Variants in NPIPA1 observed in about 807,000 individuals in gnomAD.
NPIPA1 encodes nuclear pore complex-interacting protein family member A1.
For missense variants in NPIPA1, 22 were observed against 232.2 expected, an observed-to-expected ratio of 0.09 and a Z score of 5.88; for synonymous variants, 7 against 88.0, an observed-to-expected ratio of 0.08 and a Z score of 5.15.
rs1363191827 is a variant in NPIPA1, at chr16:14,944,913, T to A, written c.193-661T>A. ...GCTACCGCACCTGGCCTATATTTTT[T>A]TTTTTTTTTTTTTTTGAGACAGAGT... On this transcript the variant is annotated intron_variant, in intron 2 of 7. Transcript: ENST00000328085. Among the ~76,000 whole-genome samples, 13 of 151,054 alleles carry A rather than the reference T, an allele frequency of 8.6e-5. No homozygotes were observed. The Admixed American group carries it at 8.6e-4, about 10-fold the overall frequency.
chr16:14,941,064 G>A (rs1965739237), intron 1 of NPIPA1, among the ~76,000 whole-genome samples: 1 of 149,754 alleles, frequency 6.7e-6, no homozygotes, highest in Admixed American at 6.8e-5. Context: ...AGAGGCAGAG[G>A]TTGCAGTGAG....
intron 2 of NPIPA1, among the ~76,000 whole-genome samples, chr16:14,944,318 G>A (rs1965825886): frequency 6.6e-6 from 1 of 152,250 alleles, no homozygotes; most frequent in African/African-American, 2.4e-5. Flanking sequence ...AGTCATTAGT[G>A]AGAATGTTTT....
At chr16:14,940,224 G>A (rs1597170662) in intron 1 of NPIPA1, among the ~76,000 whole-genome samples, 1 of 99,548 alleles carries the variant, frequency 1.0e-5, no homozygotes, top group Admixed American at 1.2e-4. Flanking sequence ...ACTAAAATTC[G>A]ATACTTATTT....
chr16:14,943,872 G>T (rs1332366528), intron 2 of NPIPA1, among the ~76,000 whole-genome samples: 630 of 151,438 alleles, frequency 4.2e-3, no homozygotes, highest in African/African-American at 0.014. Flanking sequence ...TTTCAGGCCA[G>T]GTGTGGTGGC....
intron 5 of NPIPA1, chr16:14,949,711 C>CCT (rs1965969915): frequency 1.6e-6 from 1 of 640,502 alleles, no homozygotes; most frequent in African/African-American, 1.9e-5. Flanking sequence ...GATTCCCCTG[C>CCT]CTCAGCCTCC....
chr16:14,939,025 A>C (rs2151074181), intron 1 of NPIPA1, among the ~76,000 whole-genome samples: 1 of 140,422 alleles, frequency 7.1e-6, no homozygotes, highest in Admixed American at 7.3e-5. Context: ...CCTGGCCAAA[A>C]TATATAACCT....
chr16:14,947,354 C>T (rs1411466136), intron 4 of NPIPA1, among the ~76,000 whole-genome samples: 3 of 151,938 alleles, frequency 2.0e-5, no homozygotes, highest in South Asian at 2.1e-4. Flanking sequence ...CAATTGAGGT[C>T]GTCTCTGCAG....
chr16:14,947,617 G>A (rs1212410962), intron 4 of NPIPA1, among the ~76,000 whole-genome samples: 5 of 149,256 alleles, frequency 3.3e-5, no homozygotes, highest in African/African-American at 7.3e-5. Flanking sequence ...GCTGACTTTC[G>A]TCCTGGGTTT....
intron 1 of NPIPA1, among the ~76,000 whole-genome samples, chr16:14,938,802 G>C (rs1261910205): frequency 2.6e-5 from 4 of 151,744 alleles, no homozygotes; most frequent in Non-Finnish European, 4.4e-5. Flanking sequence ...GCAGTGGCAA[G>C]ATCTCGGCTC....
chr16:14,945,861 TCTTTA>T lies in NPIPA1; in HGVS notation c.323_327del (p.Thr108MetfsTer11), dbSNP rs1965874724. 1.9e-6 allele frequency: 1 copy of T among 519,952 alleles called. No individual in the cohort carries two copies. Among genetic ancestry groups the T allele is most frequent in the Admixed American group, 4.0e-5 (1 of 24,940 alleles). 32.2% of individuals were successfully genotyped at this position (519,952 alleles called of 1,614,324 possible). A position where few individuals can be genotyped will look rare whatever the true frequency, so the allele number is the denominator to read the frequency against. On this transcript the variant is annotated frameshift_variant, in exon 4 of 8. Coordinates refer to ENST00000328085, the MANE Select transcript of NPIPA1 (RefSeq NM_006985.4). LOFTEE classifies it high-confidence loss of function. The stretch of plus-strand genomic sequence containing the variant: ...GGAATTAAAATTGTCCTGGAAGACA[TCTTTA>T]CTTTATGGAGACAGGTGGAAACCAA...
chr16:14,938,232 G>GCTCTTTTGGCTC (rs780882669), intron 1 of NPIPA1: 1 of 1,467,074 alleles, frequency 6.8e-7, no homozygotes, highest in Admixed American at 2.2e-5. Context: ...TGCGGTGGCT[G>GCTCTTTTGGCTC]CTCTTTTGGC....
At chr16:14,946,609 C>T (rs1331376477) in intron 4 of NPIPA1, among the ~76,000 whole-genome samples, 2 of 147,070 alleles carry the variant, frequency 1.4e-5, no homozygotes, top group Non-Finnish European at 3.0e-5. Context: ...ACTGCAACCT[C>T]TGCCTCCCAG....
intron 1 of NPIPA1, among the ~76,000 whole-genome samples, chr16:14,941,261 C>T (rs1216780533): frequency 2.1e-5 from 3 of 141,864 alleles, no homozygotes; most frequent in East Asian, 2.6e-4. Context: ...ATGGTGAAAC[C>T]TCATCTCTAC....
chr16:14,946,491 G>A (rs1369213816), intron 4 of NPIPA1, among the ~76,000 whole-genome samples: 1 of 151,374 alleles, frequency 6.6e-6, no homozygotes, highest in Non-Finnish European at 1.5e-5. Flanking sequence ...CAAAGTGCTG[G>A]GATTAGAGGC....
Position 14,944,468 on chromosome 16 carries a change from CAGAG to C in NPIPA1, c.193-1103_193-1100del, listed in dbSNP as rs1337969330. Among the ~76,000 whole-genome samples, 9 of 149,616 alleles carry C rather than the reference CAGAG, an allele frequency of 6.0e-5. No homozygotes were observed. The East Asian group carries it at 1.0e-3, about 17-fold the overall frequency. On this transcript the variant is annotated intron_variant, in intron 2 of 7. Transcript: ENST00000328085. ...GTGAAATGTTACAAATTCTAGAACTCAGAGAGCTGAAGGTAATTAATTACTTCCT... is the reference window on the plus strand; with the variant it reads ...GTGAAATGTTACAAATTCTAGAACTCAGCTGAAGGTAATTAATTACTTCCT...
At chr16:14,941,077 G>A (rs1965739714) in intron 1 of NPIPA1, among the ~76,000 whole-genome samples, 3 of 150,730 alleles carry the variant, frequency 2.0e-5, no homozygotes, top group African/African-American at 4.9e-5. Flanking sequence ...GCAGTGAGCC[G>A]AGAGCACACC....
intron 1 of NPIPA1, among the ~76,000 whole-genome samples, chr16:14,941,140 CAAA>C (rs1265141992): frequency 2.2e-4 from 34 of 151,404 alleles, no homozygotes; most frequent in African/African-American, 7.3e-4. Context: ...AAACAACAAA[CAAA>C]AACAAAAAAA....
intron 2 of NPIPA1, among the ~76,000 whole-genome samples, chr16:14,943,742 C>T (rs879136476): frequency 1.3e-5 from 2 of 151,946 alleles, no homozygotes; most frequent in East Asian, 2.0e-4. Context: ...CGTGGTTGCT[C>T]TTTTCATCTT....
At chr16:14,940,449 C>G (rs1401672266) in intron 1 of NPIPA1, among the ~76,000 whole-genome samples, 19 of 151,860 alleles carry the variant, frequency 1.3e-4, no homozygotes, top group African/African-American at 4.4e-4. Flanking sequence ...TGGCTCACAC[C>G]TGTATTGCCA....
Sources: allele counts gnomAD v4.1 joint callset (sites outside exome capture counted in the v4.1 genomes callset), GRCh38; gene constraint gnomAD v4.1.1; transcripts MANE v1.5; gene names NCBI Gene and HGNC (gene_info 2026-07-23, HGNC 2026-07-21).